The following NEB variants were observed in gnomAD, a reference collection of about 807,000 sequenced individuals.
The protein encoded by NEB is nemaline myopathy type 2.
NEB carries 512 observed loss-of-function variants against 952.2 expected under a neutral mutation model. The ratio of observed to expected loss-of-function variants is 0.54; its 90% CI spans 0.50 to 0.58. The LOEUF (loss-of-function observed/expected upper bound fraction) is 0.58, where lower values mean the gene tolerates loss of function less well. Ranked by LOEUF, NEB falls within the 20% of genes least tolerant of loss-of-function variation. The pLI is 0.00. For synonymous variants in NEB, 2,900 were observed against 3,149.8 expected (o/e 0.92, Z 2.66); for missense variants, 8,428 against 9,231.1 (o/e 0.91, Z 3.56).
intron 42 of NEB, 96 bp from the exon 43 acceptor site, chr2:151,664,959 G>T: frequency 1.2e-6 from 1 of 844,950 alleles, no homozygotes; most frequent in African/African-American, 1.7e-5. Flanking sequence ...GGTAAAAGAG[G>T]TTAAATGGAT....
At chr2:151,629,768 G>A (rs886984881) in intron 67 of NEB, 122 bp from the exon 68 acceptor site, 15 of 728,374 alleles carry the variant, frequency 2.1e-5, no homozygotes, top group Admixed American at 1.8e-4. Context: ...TCAAGTTTCT[G>A]GCAATAGTGG....
rs138288574 is a variant in NEB at position 151,526,114 on chromosome 2, T to C, written c.22050+44A>G. ...CTCATTAAGGCATCTGCCTGGGGCG[T>C]TCTCCCAAGAGGGAAGCAGAACTCA... is the stretch of plus-strand genomic sequence containing the variant. On this transcript the variant is annotated intron_variant, in intron 149 of 181. Coordinates refer to ENST00000397345, the MANE Select transcript of NEB (RefSeq NM_001164508.2). 2.0e-4 allele frequency: 329 copies of C among 1,611,876 alleles called. 3 individuals are homozygous for C. The East Asian group carries it at 7.3e-3, about 36-fold the overall frequency.
At chr2:151,527,380 C>T (rs2086918618) in intron 147 of NEB, 101 bp downstream of exon 147, 6 of 992,072 alleles carry the variant, frequency 6.0e-6, no homozygotes, top group Non-Finnish European at 8.9e-6. Flanking sequence ...CTCAAACGAG[C>T]AAGGGTTAAC....
At chr2:151,531,958 A>ATTG in intron 143 of NEB, 62 bp from the exon 144 acceptor site, 10 of 1,028,594 alleles carry the variant, frequency 9.7e-6, no homozygotes, top group Non-Finnish European at 1.5e-5. Context: ...AAGGTATCTA[A>ATTG]TTGTCCTCTT....
intron 151 of NEB, among the ~76,000 whole-genome samples, chr2:151,524,854 G>A (rs937309878): frequency 6.6e-6 from 1 of 151,592 alleles, no homozygotes; most frequent in African/African-American, 2.4e-5. Context: ...TTTTAGTAGA[G>A]ACAGGGTTTC....
intron 133 of NEB, among the ~76,000 whole-genome samples, chr2:151,547,158 G>A (rs1349857136): frequency 6.6e-6 from 1 of 152,076 alleles, no homozygotes; most frequent in Non-Finnish European, 1.5e-5. Flanking sequence ...TGAGGAGTTG[G>A]AATGATTCCA....
At position 151,570,282 on chromosome 2, in the gene NEB, A is replaced by G. The variant is rs1304618869; in HGVS notation, c.17229T>C (p.Asn5743=). Residue 5743 remains asparagine (N), a synonymous_variant, in exon 109 of 182, where the codon AAT becomes AAC. Coordinates refer to ENST00000397345, the MANE Select transcript of NEB (RefSeq NM_001164508.2). ...RWALIADKLQ[N]EREYRLDWAK... ...CCCAGTCCAGCCGGTACTCTCGTTC[A>G]TTCTGGAGCTTGTCAGCTATGAGGG... 1.9e-6 allele frequency: 3 copies of G among 1,613,352 alleles called. No individual in the cohort carries two copies. Among genetic ancestry groups the G allele is most frequent in the Admixed American group, 3.3e-5 (2 of 59,970 alleles).
rs2099254874 is a variant in NEB, at chr2:151,669,099, C to T, written c.4539G>A (p.Lys1513=). 1 of 1,588,734 alleles carries T rather than the reference C, an allele frequency of 6.3e-7. No homozygotes were observed. ...LNYKVEGEKL[K]HKYTIDPELP... ...ATTCAGGGTCAATAGTATACTTGTGCTTCAGTTTCTCTCCCTCTACCTTGT... is the reference window on the plus strand; with the variant it reads ...ATTCAGGGTCAATAGTATACTTGTGTTTCAGTTTCTCTCCCTCTACCTTGT... The change falls in exon 39 of 182, where the codon AAG becomes AAA. Residue 1513 remains lysine, a synonymous_variant. Transcript: ENST00000397345.
chr2:151,591,736 G>A (rs1478800872), intron 95 of NEB, among the ~76,000 whole-genome samples: 1 of 152,304 alleles, frequency 6.6e-6, no homozygotes. Flanking sequence ...CTTTTACAAG[G>A]AAAAAGCAAT....
chr2:151,726,453 C>T (rs981337234), intron 5 of NEB, among the ~76,000 whole-genome samples: 2 of 152,154 alleles, frequency 1.3e-5, no homozygotes, highest in African/African-American at 4.8e-5. Flanking sequence ...CAATAGGATG[C>T]TTTTGACATA....
At position 151,501,409 on chromosome 2, in the gene NEB, A is replaced by ATTGAG. The variant is rs2064439011; in HGVS notation, c.23998_24002dup (p.Gln8002SerfsTer145). The ATTGAG allele has an allele frequency of 6.5e-7, 1 of 1,549,508 alleles. No homozygotes were observed. Among genetic ancestry groups the ATTGAG allele is most frequent in the Non-Finnish European group, 8.7e-7 (1 of 1,145,514 alleles). On this transcript the variant is annotated frameshift_variant, in exon 168 of 182. Coordinates refer to ENST00000397345, the MANE Select transcript of NEB (RefSeq NM_001164508.2). LOFTEE classifies it high-confidence loss of function. ...CAAATACCGAGCTAAAGTTTTCTTG[A>ATTGAG]TTGAGTTTGACTCGCTCCATCTCAG...
rs181615359 is a variant in NEB at position 151,485,564 on chromosome 2, T to C, written c.*196A>G. On this transcript the variant is annotated 3_prime_UTR_variant, in exon 182 of 182. Transcript: ENST00000397345. ...AAAGACTCTAGGCACAGAAATAATA[T>C]TGCAGAAGCTTTTAAAGTGTCTGTT... 3 of 437,114 alleles carry C rather than the reference T, an allele frequency of 6.9e-6. No homozygotes were observed. The East Asian group carries it at 9.9e-5, about 14-fold the overall frequency. The allele number at this position is 437,114 out of a possible 1,614,324, so 27.1% of individuals were successfully genotyped here.
rs550296441 is a variant in NEB, at chr2:151,526,186, G to A, written c.22022C>T (p.Ala7341Val). The change falls in exon 149 of 182, where the codon GCG becomes GTG. Residue 7341 changes from alanine (A) to valine (V), a missense_variant. By Grantham distance (64) the Ala-to-Val change is moderately conservative. Around this residue, in one of 11 missense-constraint regions of NEB, gnomAD observed 3,374 missense variants for 3,651.5 expected, o/e 0.92. Transcript: ENST00000397345. ...AVPDTPQILLAKTVSNLVSEN... is the reference protein window; with the variant it reads ...AVPDTPQILLVKTVSNLVSEN... ...AGACACCAGGTTGCTGACAGTCTTC[G>A]CCAGCAGGATCTGAGGCGTGTCAGG... 11 of 1,613,916 alleles carry A rather than the reference G, an allele frequency of 6.8e-6. No homozygotes were observed. Among genetic ancestry groups the A allele is most frequent in the Admixed American group, 3.3e-5 (2 of 60,016 alleles).
In NEB at chr2:151,640,573, C is replaced by T. The variant is rs757497327; in HGVS notation, c.8467G>A (p.Val2823Met). Residue 2823 changes from valine (V) to methionine (M), a missense_variant, in exon 61 of 182, where the codon GTG (valine) becomes ATG (methionine). Physicochemically the swap from Val to Met is conservative, Grantham distance 21. Around this residue, in one of 11 missense-constraint regions of NEB, gnomAD observed 1,772 missense variants for 1,960.3 expected, o/e 0.90. Coordinates refer to ENST00000397345, the MANE Select transcript of NEB (RefSeq NM_001164508.2). Reference sequence around the variant, plus strand: ...TCCCTGTCACTCTGGATCTTGGCCACGTGCATGGACCACATCATCTTGGGG... The same window carrying T: ...TCCCTGTCACTCTGGATCTTGGCCATGTGCATGGACCACATCATCTTGGGG... The part of the protein sequence containing the change: ...DDPKMMWSMH[V>M]AKIQSDREYK... 2.3e-5 allele frequency: 37 copies of T among 1,613,790 alleles called. No individual in the cohort carries two copies. The highest frequency in any genetic ancestry group is 1.6e-4 in the Middle Eastern group (1 of 6,084).
chr2:151,498,202 A>AAAG (rs1279481722), intron 170 of NEB, 58 bp downstream of exon 170: 1 of 1,549,168 alleles, frequency 6.5e-7, no homozygotes, highest in Admixed American at 2.0e-5. Context: ...AAATAAATGT[A>AAAG]AAGATCAGTT....
intron 75 of NEB, 115 bp from the exon 76 acceptor site, chr2:151,616,224 T>G: frequency 1.4e-6 from 1 of 739,894 alleles, no homozygotes; most frequent in Non-Finnish European, 2.3e-6. Context: ...AAGTCAATCA[T>G]TAGGGTGGGT....
intron 124 of NEB, among the ~76,000 whole-genome samples, chr2:151,559,987 T>G (rs1208247350): frequency 2.0e-5 from 3 of 152,060 alleles, no homozygotes; most frequent in Non-Finnish European, 4.4e-5. Context: ...CTTAAGAACA[T>G]TAATGGTTAG....
chr2:151,635,340 G>A (rs150397171), intron 64 of NEB, among the ~76,000 whole-genome samples: 100 of 152,226 alleles, frequency 6.6e-4, no homozygotes, highest in African/African-American at 2.2e-3. Flanking sequence ...TTTTAGAGCC[G>A]TCATTTGTTC....
chr2:151,656,487 TAC>T, intron 48 of NEB, 23 bp from the exon 49 acceptor site: 1 of 1,514,182 alleles, frequency 6.6e-7, no homozygotes, highest in African/African-American at 1.4e-5. Context: ...TATGAGTTTT[TAC>T]ACAGAGCAAT....
Sources: allele counts gnomAD v4.1 joint callset (sites outside exome capture counted in the v4.1 genomes callset), GRCh38; gene constraint gnomAD v4.1.1; regional missense constraint gnomAD v4.1.1; transcripts MANE v1.5; gene names NCBI Gene and HGNC (gene_info 2026-07-23, HGNC 2026-07-21).